The following PPM1L variants were observed in gnomAD, a reference collection of about 807,000 sequenced individuals.
The protein encoded by PPM1L is protein phosphatase 1L.
A neutral mutation model predicts 31.4 loss-of-function variants in PPM1L; 13 were observed. That is an observed-to-expected ratio of 0.41 (90% confidence interval 0.27 to 0.66). The LOEUF is 0.66. Ranked by LOEUF, PPM1L falls within the 30% of genes least tolerant of loss-of-function variation. The pLI, the probability that PPM1L is intolerant of heterozygous loss-of-function variation, is 0.29. For missense variants in PPM1L, 326 were observed against 453.7 expected (o/e 0.72, Z 2.56); for synonymous variants, 184 against 175.4 (o/e 1.05, Z -0.39).
chr3:160,806,722 T>C (rs1478913083), intron 1 of PPM1L, among the ~76,000 whole-genome samples: 1 of 149,642 alleles, frequency 6.7e-6, no homozygotes, highest in Non-Finnish European at 1.5e-5. Context: ...CTGAGCAACA[T>C]AGTAAGACCT....
At chr3:160,974,307 T>G (rs976749401) in intron 2 of PPM1L, among the ~76,000 whole-genome samples, 1 of 151,960 alleles carries the variant, frequency 6.6e-6, no homozygotes, top group Non-Finnish European at 1.5e-5. Context: ...GTCTTTGCTA[T>G]TGTGAATAAT....
chr3:160,986,399 A>G (rs933525238), intron 2 of PPM1L, among the ~76,000 whole-genome samples: 4 of 152,192 alleles, frequency 2.6e-5, no homozygotes, highest in African/African-American at 9.7e-5. Context: ...AGGTTTCCTG[A>G]GGCCTGAGTT....
Position 160,944,813 on chromosome 3 carries a change from T to TATATGTTATATATAACATATATAAC in PPM1L, c.400-16919_400-16918insGTTATATATAACATATATAACATAT, listed in dbSNP as rs1482095270. ...TATGTTATATATAACATATATAACA[T>TATATGTTATATATAACATATATAAC]ATATATGTTATATATAACATATATA... On this transcript the variant is annotated intron_variant, in intron 1 of 3. Coordinates refer to ENST00000498165, the MANE Select transcript of PPM1L (RefSeq NM_139245.4). 3.1e-3 allele frequency among the ~76,000 whole-genome samples: 49 copies of TATATGTTATATATAACATATATAAC among 15,572 alleles called. 3 individuals are homozygous for TATATGTTATATATAACATATATAAC. Among genetic ancestry groups the TATATGTTATATATAACATATATAAC allele is most frequent in the African/African-American group, 8.9e-3 (49 of 5,494 alleles). 10.2% of individuals were successfully genotyped at this position (15,572 alleles called of 152,430 possible).
At chr3:160,991,912 A>G (rs1298671781) in intron 2 of PPM1L, among the ~76,000 whole-genome samples, 1 of 152,226 alleles carries the variant, frequency 6.6e-6, no homozygotes, top group African/African-American at 2.4e-5. Context: ...AATGATAACT[A>G]ATAATTATTG....
intron 1 of PPM1L, among the ~76,000 whole-genome samples, chr3:160,907,688 T>C (rs1713811207): frequency 6.6e-6 from 1 of 152,128 alleles, no homozygotes; most frequent in Non-Finnish European, 1.5e-5. Flanking sequence ...CAAAAAGGGA[T>C]GATAAAGTGT....
At chr3:161,011,992 A>G (rs1717910081) in intron 2 of PPM1L, among the ~76,000 whole-genome samples, 1 of 152,112 alleles carries the variant, frequency 6.6e-6, no homozygotes, top group Admixed American at 6.5e-5. Context: ...CTCTTTTCCT[A>G]ATTGATTACC....
chr3:160,793,141 A>G (rs1048009240), intron 1 of PPM1L, among the ~76,000 whole-genome samples: 1 of 152,078 alleles, frequency 6.6e-6, no homozygotes, highest in Non-Finnish European at 1.5e-5. Flanking sequence ...ACCCTCGCCC[A>G]CCTCTTTTTC....
At position 161,072,197 on chromosome 3, in the gene PPM1L, T is replaced by C. The variant is rs1228903493; in HGVS notation, c.*3040T>C. The C allele has an allele frequency of 6.6e-6, 1 of 152,186 alleles. No individual in the cohort carries two copies. The highest frequency in any genetic ancestry group is 1.5e-5 in the Non-Finnish European group (1 of 68,036). 9.4% of individuals were successfully genotyped at this position (152,186 alleles called of 1,614,324 possible). On this transcript the variant is annotated 3_prime_UTR_variant, in exon 4 of 4. Coordinates refer to ENST00000498165, the MANE Select transcript of PPM1L (RefSeq NM_139245.4). ...TCATCATAGGAATAAACAACACATA[T>C]AGAAAGCTCCAAAGCTGTTCCCAAG...
At chr3:161,057,490 T>C (rs1048017574) in intron 2 of PPM1L, among the ~76,000 whole-genome samples, 6 of 152,114 alleles carry the variant, frequency 3.9e-5, no homozygotes, top group Admixed American at 2.6e-4. Context: ...AGGGGTACTA[T>C]GAAGAATCAT....
chr3:160,969,576 CA>C lies in PPM1L; in HGVS notation c.574+7669del, dbSNP rs1318115644. On this transcript the variant is annotated intron_variant, in intron 2 of 3. Transcript: ENST00000498165. ...ATTTGCAGGAAGTTCTTCACTCCAA[CA>C]AATAGAGTGAATTTCTCAGTATATT... 3.9e-5 allele frequency among the ~76,000 whole-genome samples: 6 copies of C among 152,288 alleles called. No homozygotes were observed. The South Asian group carries it at 8.3e-4, about 21-fold the overall frequency.
chr3:161,071,674 G>A lies in PPM1L; in HGVS notation c.*2517G>A, dbSNP rs1277945641. ...TAGCAGTTTCATTAATAGTTGTTAGGATAGTTATATCTAAAATCAGAGTAT... is the reference window on the plus strand; with the variant it reads ...TAGCAGTTTCATTAATAGTTGTTAGAATAGTTATATCTAAAATCAGAGTAT... On this transcript the variant is annotated 3_prime_UTR_variant, in exon 4 of 4. Coordinates refer to ENST00000498165, the MANE Select transcript of PPM1L (RefSeq NM_139245.4). 6.6e-6 allele frequency: 1 copy of A among 152,158 alleles called. No individual in the cohort carries two copies. The highest frequency in any genetic ancestry group is 1.5e-5 in the Non-Finnish European group (1 of 68,038). 9.4% of individuals were successfully genotyped at this position (152,158 alleles called of 1,614,324 possible).
intron 2 of PPM1L, among the ~76,000 whole-genome samples, chr3:160,973,717 T>C (rs201736040): frequency 6.8e-6 from 1 of 146,058 alleles, no homozygotes; most frequent in Non-Finnish European, 1.5e-5. Context: ...TGGGATCTAC[T>C]AGACACTTTA....
intron 2 of PPM1L, among the ~76,000 whole-genome samples, chr3:161,045,501 CA>C (rs1439709540): frequency 6.6e-6 from 1 of 152,182 alleles, no homozygotes; most frequent in Non-Finnish European, 1.5e-5. Context: ...GGAAACTGAA[CA>C]ACCTGCTCCT....
chr3:161,033,481 AC>A (rs1718641688), intron 2 of PPM1L, among the ~76,000 whole-genome samples: 1 of 152,200 alleles, frequency 6.6e-6, no homozygotes, highest in South Asian at 2.1e-4. Context: ...TGGTACTGGT[AC>A]CAAAACAGAG....
chr3:160,826,283 G>A (rs1373148235), intron 1 of PPM1L, among the ~76,000 whole-genome samples: 2 of 152,190 alleles, frequency 1.3e-5, no homozygotes, highest in African/African-American at 4.8e-5. Context: ...AGAACATGAT[G>A]AGTTGTAGTT....
intron 1 of PPM1L, among the ~76,000 whole-genome samples, chr3:160,925,924 G>A (rs1254091579): frequency 6.6e-6 from 1 of 152,160 alleles, no homozygotes; most frequent in Non-Finnish European, 1.5e-5. Context: ...GATGGTGGTG[G>A]ATATTCTAGC....
intron 1 of PPM1L, among the ~76,000 whole-genome samples, chr3:160,762,040 AT>A (rs1714981894): frequency 6.6e-6 from 1 of 152,198 alleles, no homozygotes; most frequent in Non-Finnish European, 1.5e-5. Context: ...CTTCTCTTAG[AT>A]ATGTCATTTT....
chr3:161,050,957 CT>C (rs1315008046), intron 2 of PPM1L, among the ~76,000 whole-genome samples: 2 of 152,226 alleles, frequency 1.3e-5, no homozygotes, highest in East Asian at 3.8e-4. Flanking sequence ...GAAATCCTCT[CT>C]TAAAAGTTGC....
chr3:160,920,104 C>T (rs1401546810), intron 1 of PPM1L, among the ~76,000 whole-genome samples: 4 of 152,136 alleles, frequency 2.6e-5, no homozygotes, highest in Non-Finnish European at 4.4e-5. Flanking sequence ...TGAAATGGCA[C>T]TTCACTCCTT....
Sources: allele counts gnomAD v4.1 joint callset (sites outside exome capture counted in the v4.1 genomes callset), GRCh38; gene constraint gnomAD v4.1.1; transcripts MANE v1.5; gene names NCBI Gene and HGNC (gene_info 2026-07-23, HGNC 2026-07-21).